Variants in VSTM1 observed in about 807,000 individuals in gnomAD.
The protein encoded by VSTM1 is V-set and transmembrane domain containing 1.
A neutral mutation model predicts 33.1 loss-of-function variants in VSTM1; 27 were observed. The observed-to-expected ratio is 0.82, with a 90% CI of 0.60 to 1.12. The LOEUF is 1.12. Among genes scored for constraint, VSTM1 ranks in the 50% most tolerant of loss-of-function variants. The pLI is 0.00. For missense variants in VSTM1, 304 were observed against 288.9 expected (o/e 1.05, Z -0.38); for synonymous variants, 115 against 110.3 (o/e 1.04, Z -0.27).
chr19:54,059,997 G>A (rs551365579), intron 1 of VSTM1, among the ~76,000 whole-genome samples: 6 of 149,940 alleles, frequency 4.0e-5, no homozygotes, highest in Non-Finnish European at 7.4e-5. Context: ...ACAGGCACCC[G>A]CCACCAAGCC....
chr19:54,047,525 C>T (rs2070656141), intron 4 of VSTM1, among the ~76,000 whole-genome samples: 1 of 152,122 alleles, frequency 6.6e-6, no homozygotes, highest in South Asian at 2.1e-4. Flanking sequence ...AACTCCAGAG[C>T]TCAAGTGTTC....
intron 8 of VSTM1, 88 bp downstream of exon 8, chr19:54,041,691 T>C: frequency 7.2e-7 from 1 of 1,396,964 alleles, no homozygotes; most frequent in African/African-American, 1.4e-5. Context: ...ACAGTATACA[T>C]TTCTGTATGG....
intron 3 of VSTM1, among the ~76,000 whole-genome samples, chr19:54,054,660 T>TGGATGGAC (rs2070999393): frequency 7.1e-6 from 1 of 140,738 alleles, no homozygotes; most frequent in Non-Finnish European, 1.6e-5. Flanking sequence ...GATGGATGGA[T>TGGATGGAC]GGATAGATGG....
intron 4 of VSTM1, chr19:54,048,345 G>C: frequency 2.6e-6 from 1 of 389,600 alleles, no homozygotes; most frequent in South Asian, 1.8e-5. Context: ...TGAACCCCTG[G>C]GCTCAAGTGA....
At chr19:54,045,804 T>C (rs1453851918) in intron 4 of VSTM1, among the ~76,000 whole-genome samples, 3 of 152,168 alleles carry the variant, frequency 2.0e-5, no homozygotes, top group African/African-American at 4.8e-5. Context: ...TCTATCTAGC[T>C]AGCTTTATCT....
At chr19:54,060,018 A>AT (rs1411245267) in intron 1 of VSTM1, among the ~76,000 whole-genome samples, 2 of 133,234 alleles carry the variant, frequency 1.5e-5, no homozygotes, top group Non-Finnish European at 1.7e-5. Context: ...CAGCTAATTA[A>AT]TTTTTTTGTA....
At chr19:54,042,806 GTATATATATATATATATATATA>G (rs1203522841) in intron 4 of VSTM1, among the ~76,000 whole-genome samples, 3 of 57,952 alleles carry the variant, frequency 5.2e-5, no homozygotes, top group Non-Finnish European at 9.5e-5. Context: ...ATATAAATGT[GTATATATATATATATATATATA>G]TATATATATA....
Position 54,058,701 on chromosome 19 carries a change from C to G in VSTM1, c.66G>C (p.Lys22Asn). The G allele has an allele frequency of 6.2e-7, 1 of 1,613,918 alleles. No individual in the cohort carries two copies. Among genetic ancestry groups the G allele is most frequent in the Non-Finnish European group, 8.5e-7 (1 of 1,179,996 alleles). ...TTTAAGTAGGAGAAAACTCACCATT[C>G]TTTTTCTCATCTTCGTAGCCCAGAC... ...GLCLGYEDEKKNEKPPKPSLH... is the reference protein window; with the variant it reads ...GLCLGYEDEKNNEKPPKPSLH... Residue 22 changes from lysine to asparagine, a missense_variant, in exon 2 of 9, where the codon AAG becomes AAC. Transcript: ENST00000338372.
At chr19:54,060,087 C>T (rs867982171) in intron 1 of VSTM1, among the ~76,000 whole-genome samples, 3 of 145,598 alleles carry the variant, frequency 2.1e-5, no homozygotes, top group Admixed American at 6.9e-5. Flanking sequence ...CTCCTGACCT[C>T]GTGATCCACC....
rs144159930 is a variant in VSTM1, at chr19:54,058,468, C to A, written c.193G>T (p.Asp65Tyr). The change falls in exon 3 of 9, where the codon GAC becomes TAC. Residue 65 changes from aspartate to tyrosine, a missense_variant. By Grantham distance (160) the Asp-to-Tyr change is radical. Transcript: ENST00000338372. ...CTCTGTTCCTGCTTGTACCCAGAGT[C>A]GTTCACCTTGCGCAGCACAAATGTC... ...NVTFVLRKVN[D>Y]SGYKQEQSSA... 6.8e-4 allele frequency: 1,100 copies of A among 1,613,894 alleles called. 1 individual carries two copies. The highest frequency in any genetic ancestry group is 8.8e-4 in the Non-Finnish European group (1,040 of 1,180,018).
intron 4 of VSTM1, among the ~76,000 whole-genome samples, chr19:54,046,133 T>C (rs1328222982): frequency 3.3e-5 from 5 of 152,218 alleles, no homozygotes; most frequent in Admixed American, 6.5e-5. Context: ...TATCTACCTA[T>C]CATCTATGTA....
At chr19:54,048,425 T>C (rs1000258457) in intron 4 of VSTM1, 8 of 327,758 alleles carry the variant, frequency 2.4e-5, no homozygotes, top group Admixed American at 7.4e-5. Flanking sequence ...AAAGATATTT[T>C]ATTCTGTTTA....
chr19:54,056,181 TTTTTCTTTTCTTTCTTTCTTTTC>T lies in VSTM1; in HGVS notation c.355+2102_355+2124del, dbSNP rs1290385696. 1.6e-3 allele frequency among the ~76,000 whole-genome samples: 202 copies of T among 126,240 alleles called. 11 individuals carry two copies. The highest frequency in any genetic ancestry group is 7.5e-3 in the Middle Eastern group (2 of 266). 82.8% of individuals were successfully genotyped at this position (126,240 alleles called of 152,430 possible). A position where few individuals can be genotyped will look rare whatever the true frequency, so the allele number is the denominator to read the frequency against. ...CACCCCAAAGCCAATTCTTTTTTTG[TTTTTCTTTTCTTTCTTTCTTTTC>T]TTTTCTTTTCTTTTTTTTTTTTTTT... On this transcript the variant is annotated intron_variant, in intron 3 of 8. Coordinates refer to ENST00000338372, the MANE Select transcript of VSTM1 (RefSeq NM_198481.4).
chr19:54,043,892 G>A (rs2070444071), intron 4 of VSTM1, among the ~76,000 whole-genome samples: 1 of 151,752 alleles, frequency 6.6e-6, no homozygotes, highest in African/African-American at 2.4e-5. Context: ...GGAGAGGAGG[G>A]GAGAGGAGGG....
Position 54,054,555 on chromosome 19 carries a change from G to A in VSTM1, c.356-3107C>T, listed in dbSNP as rs1345466026. Among the ~76,000 whole-genome samples, 11 of 142,670 alleles carry A rather than the reference G, an allele frequency of 7.7e-5. 2 individuals are homozygous for A. The highest frequency in any genetic ancestry group is 1.7e-4 in the Non-Finnish European group (11 of 64,570). The allele number at this position is 142,670 out of a possible 152,430, so 93.6% of individuals were successfully genotyped here. ...TAAAGTCTCTCCAGGGATTTCCCATGATATGGCAGGACTGACCTACTGGAA... is the reference window on the plus strand; with the variant it reads ...TAAAGTCTCTCCAGGGATTTCCCATAATATGGCAGGACTGACCTACTGGAA... On this transcript the variant is annotated intron_variant, in intron 3 of 8. Coordinates refer to ENST00000338372, the MANE Select transcript of VSTM1 (RefSeq NM_198481.4).
intron 1 of VSTM1, among the ~76,000 whole-genome samples, chr19:54,062,667 T>C (rs1442619438): frequency 6.8e-6 from 1 of 146,228 alleles, no homozygotes; most frequent in African/African-American, 2.5e-5. Flanking sequence ...GAGGTTGCAG[T>C]GAGCTGAGAT....
chr19:54,059,496 C>A (rs759443462), intron 1 of VSTM1, among the ~76,000 whole-genome samples: 12 of 152,148 alleles, frequency 7.9e-5, no homozygotes, highest in Non-Finnish European at 1.6e-4. Flanking sequence ...GAGACAGAGT[C>A]TCGCTGTGTC....
chr19:54,042,802 A>ATGTG (rs1330030375), intron 4 of VSTM1, among the ~76,000 whole-genome samples: 3 of 79,532 alleles, frequency 3.8e-5, no homozygotes, highest in South Asian at 4.5e-4. Context: ...GTATATATAA[A>ATGTG]TGTGTATATA....
chr19:54,048,272 C>T (rs1420657693), intron 4 of VSTM1: 10 of 282,214 alleles, frequency 3.5e-5, no homozygotes, highest in Non-Finnish European at 6.6e-5. Flanking sequence ...CACACCACCA[C>T]GCCTGGCTAA....
Sources: allele counts gnomAD v4.1 joint callset (sites outside exome capture counted in the v4.1 genomes callset), GRCh38; gene constraint gnomAD v4.1.1; transcripts MANE v1.5; gene names NCBI Gene and HGNC (gene_info 2026-07-23, HGNC 2026-07-21).